Variants in KCTD5 observed in about 807,000 individuals in gnomAD.
The protein encoded by KCTD5 is potassium channel tetramerization domain containing 5.
In KCTD5, 12 loss-of-function variants were observed where a neutral mutation model predicts 27.9. That is an observed-to-expected ratio of 0.43 (90% CI 0.28 to 0.70). KCTD5 has a LOEUF of 0.70. Ranked by LOEUF, KCTD5 falls within the 30% of genes least tolerant of loss-of-function variation. The pLI, the probability that KCTD5 is intolerant of heterozygous loss-of-function variation, is 0.19. For missense variants in KCTD5, 226 were observed against 274.8 expected (o/e 0.82, Z 1.26); for synonymous variants, 147 against 121.4 (o/e 1.21, Z -1.39).
rs113759986 is a variant in KCTD5, at chr16:2,693,229, T to C, written c.253-2706T>C. ...TGCTCTCCTGCCATGCTGAGGGCAG[T>C]GGGCTATGGTGTGGGGAGTGGGGTC... On this transcript the variant is annotated intron_variant, in intron 1 of 5. Transcript: ENST00000301738. Among the ~76,000 whole-genome samples the C allele has an allele frequency of 3.4e-3, 512 of 152,276 alleles. 5 individuals carry two copies. Among genetic ancestry groups the C allele is most frequent in the African/African-American group, 0.012 (481 of 41,562 alleles).
chr16:2,703,673 C>T (rs141975334), intron 5 of KCTD5, among the ~76,000 whole-genome samples: 84 of 152,314 alleles, frequency 5.5e-4, no homozygotes, highest in African/African-American at 1.8e-3. Context: ...CCACCTCAGG[C>T]GACTGTCCTG....
intron 1 of KCTD5, among the ~76,000 whole-genome samples, chr16:2,688,605 T>A (rs1004094074): frequency 2.0e-4 from 29 of 143,976 alleles, no homozygotes; most frequent in Non-Finnish European, 3.9e-4. Context: ...TAATTTCTGT[T>A]AATGTCGACC....
At chr16:2,687,129 C>A (rs1325872413) in intron 1 of KCTD5, among the ~76,000 whole-genome samples, 2 of 152,322 alleles carry the variant, frequency 1.3e-5, no homozygotes, top group East Asian at 3.9e-4. Context: ...CCTCAGCAAA[C>A]CTGTGCTCAC....
chr16:2,705,703 C>T (rs1269367195), intron 5 of KCTD5, among the ~76,000 whole-genome samples: 1 of 152,334 alleles, frequency 6.6e-6, no homozygotes, highest in East Asian at 1.9e-4. Flanking sequence ...CCATGGGGTA[C>T]AGCCTCAAGG....
intron 1 of KCTD5, chr16:2,684,520 C>G (rs573452242): frequency 6.6e-6 from 1 of 152,120 alleles, no homozygotes; most frequent in South Asian, 2.1e-4. Flanking sequence ...AATCCCAGCA[C>G]TTTGGGAGGC....
In KCTD5 at chr16:2,703,674, G is replaced by A. The variant is rs533913587; in HGVS notation, c.675+1196G>A. ...TCACGGCAGCCTTTCCACCTCAGGC[G>A]ACTGTCCTGGCCCAGAGCCTCCCTC... On this transcript the variant is annotated intron_variant, in intron 5 of 5. Coordinates refer to ENST00000301738, the MANE Select transcript of KCTD5 (RefSeq NM_018992.4). Among the ~76,000 whole-genome samples, 38 of 152,328 alleles carry A rather than the reference G, an allele frequency of 2.5e-4. 1 individual carries two copies. The South Asian group carries it at 2.9e-3, about 12-fold the overall frequency.
intron 2 of KCTD5, 121 bp from the exon 3 acceptor site, chr16:2,697,785 C>A: frequency 2.8e-6 from 2 of 711,152 alleles, no homozygotes; most frequent in African/African-American, 1.8e-5. Context: ...GAGCAGCTCC[C>A]GCTGGGCCGA....
intron 3 of KCTD5, among the ~76,000 whole-genome samples, 166 bp downstream of exon 3, chr16:2,698,163 A>C: frequency 6.6e-6 from 1 of 152,112 alleles, no homozygotes; most frequent in East Asian, 1.9e-4. Flanking sequence ...AGCTCCGTCT[A>C]CCCGGCTCTC....
Position 2,701,644 on chromosome 16 carries a change from TAGAG to T in KCTD5, c.550-706_550-703del, listed in dbSNP as rs112503658. On this transcript the variant is annotated intron_variant, in intron 4 of 5. Transcript: ENST00000301738. ...GCCGTTGGTCCAACTGCGCAGGTCT[TAGAG>T]AGGCCAAAGTGTGAGCCTCGTCCAG... 8.6e-3 allele frequency among the ~76,000 whole-genome samples: 1,274 copies of T among 147,456 alleles called. 21 individuals carry two copies. The highest frequency in any genetic ancestry group is 0.029 in the African/African-American group (1,145 of 39,638).
Position 2,683,269 on chromosome 16 carries a change from G to A in KCTD5, c.252+469G>A, listed in dbSNP as rs149703875. 794 of 153,890 alleles carry A rather than the reference G, an allele frequency of 5.2e-3. 4 individuals carry two copies. Among genetic ancestry groups the A allele is most frequent in the Non-Finnish European group, 7.1e-3 (491 of 68,994 alleles). 9.5% of individuals were successfully genotyped at this position (153,890 alleles called of 1,614,324 possible). ...TAACGCTGACGTGGGGGTTGATATG[G>A]GCGGCCCTTTTTTTCCCTGGTGACT... On this transcript the variant is annotated intron_variant, in intron 1 of 5. Coordinates refer to ENST00000301738, the MANE Select transcript of KCTD5 (RefSeq NM_018992.4).
intron 5 of KCTD5, among the ~76,000 whole-genome samples, chr16:2,703,697 C>T (rs2067622382): frequency 6.6e-6 from 1 of 152,216 alleles, no homozygotes; most frequent in Admixed American, 6.5e-5. Context: ...CAGAGCCTCC[C>T]TCGCTGGCCA....
At chr16:2,701,068 G>C (rs867430457) in intron 4 of KCTD5, among the ~76,000 whole-genome samples, 1 of 152,188 alleles carries the variant, frequency 6.6e-6, no homozygotes, top group African/African-American at 2.4e-5. Context: ...CGGGGTCCGC[G>C]AACAGGGCTG....
chr16:2,685,965 C>G (rs2067538477), intron 1 of KCTD5: 1 of 151,864 alleles, frequency 6.6e-6, no homozygotes, highest in South Asian at 2.1e-4. Flanking sequence ...GCTTTGGGTG[C>G]CTGAGAGGTT....
chr16:2,687,449 C>G (rs879644835), intron 1 of KCTD5, among the ~76,000 whole-genome samples: 1 of 152,210 alleles, frequency 6.6e-6, no homozygotes, highest in Non-Finnish European at 1.5e-5. Context: ...CAGTGGCTGT[C>G]GTCCAGCAGG....
chr16:2,697,720 C>T (rs1478393282), intron 2 of KCTD5, among the ~76,000 whole-genome samples, 186 bp from the exon 3 acceptor site: 2 of 152,216 alleles, frequency 1.3e-5, no homozygotes, highest in African/African-American at 4.8e-5. Flanking sequence ...CGCCCATTAT[C>T]CCAGGAGCCC....
intron 1 of KCTD5, among the ~76,000 whole-genome samples, chr16:2,687,791 C>T (rs1233200742): frequency 6.6e-6 from 1 of 152,190 alleles, no homozygotes; most frequent in Non-Finnish European, 1.5e-5. Context: ...TCTTTAAAGC[C>T]TGGGGAAGAA....
At chr16:2,703,462 C>A (rs2067621465) in intron 5 of KCTD5, among the ~76,000 whole-genome samples, 1 of 152,162 alleles carries the variant, frequency 6.6e-6, no homozygotes, top group Admixed American at 6.5e-5. Context: ...AACCGGAAGG[C>A]TTTTAACTGG....
At chr16:2,702,150 C>T (rs966754187) in intron 4 of KCTD5, among the ~76,000 whole-genome samples, 2 of 152,216 alleles carry the variant, frequency 1.3e-5, no homozygotes, top group African/African-American at 4.8e-5. Flanking sequence ...AAGAGCTCGC[C>T]CCATGCCATG....
chr16:2,687,542 C>G (rs2067545157), intron 1 of KCTD5, among the ~76,000 whole-genome samples: 1 of 152,228 alleles, frequency 6.6e-6, no homozygotes, highest in African/African-American at 2.4e-5. Context: ...TACAGGAATG[C>G]AGAGATGCCC....
Sources: allele counts gnomAD v4.1 joint callset (sites outside exome capture counted in the v4.1 genomes callset), GRCh38; gene constraint gnomAD v4.1.1; transcripts MANE v1.5; gene names NCBI Gene and HGNC (gene_info 2026-07-23, HGNC 2026-07-21).